SYT2: variants seen among roughly 807,000 people sequenced by gnomAD.
SYT2 encodes synaptotagmin-2.
Under a neutral mutation model 39.9 loss-of-function variants are expected in SYT2, and 15 were observed. The observed-to-expected ratio is 0.38, with a 90% confidence interval of 0.25 to 0.58. The LOEUF (loss-of-function observed/expected upper bound fraction) is 0.58. SYT2 is among the 20% of genes least tolerant of loss of function. The pLI is 0.70. For missense variants in SYT2, 389 were observed against 530.3 expected, an observed-to-expected ratio of 0.73 and a Z score of 2.62; for synonymous variants, 181 against 204.5, an observed-to-expected ratio of 0.89 and a Z score of 0.98.
intron 1 of SYT2, among the ~76,000 whole-genome samples, chr1:202,610,572 C>T (rs558522970): frequency 1.3e-5 from 2 of 152,260 alleles, no homozygotes; most frequent in African/African-American, 4.8e-5. Flanking sequence ...ATCTAGAAAA[C>T]CCCATCGTCT....
rs1234851176 is a variant in SYT2 at position 202,599,721 on chromosome 1, C to A, written c.920-370G>T. ...ATAATCCCAATCCGATCCCCCTAAT[C>A]TTGCAGACAAGAAACTGAGGCCAAA... On this transcript the variant is annotated intron_variant, in intron 7 of 8. Transcript: ENST00000367268. This position sits in a 1 kb window ranked among gnomAD's most constrained non-coding sequence, Gnocchi z 4.4. 6.6e-6 allele frequency among the ~76,000 whole-genome samples: 1 copy of A among 152,180 alleles called. No homozygotes were observed. The highest frequency in any genetic ancestry group is 1.5e-5 in the Non-Finnish European group (1 of 68,030).
At position 202,601,131 on chromosome 1, in the gene SYT2, T is replaced by C. The variant is rs1338103409; in HGVS notation, c.802-657A>G. ...TCAAAGTCACACAACAATTTAGCAC[T>C]GTAGGCAGGCTGAGGACCCAGGGCT... is the stretch of plus-strand genomic sequence containing the variant. On this transcript the variant is annotated intron_variant, in intron 6 of 8. Transcript: ENST00000367268. The surrounding 1 kb of genome is among the most constrained non-coding windows in gnomAD (Gnocchi z 4.0). Among the ~76,000 whole-genome samples, 1 of 152,192 alleles carries C rather than the reference T, an allele frequency of 6.6e-6. No individual in the cohort carries two copies. The highest frequency in any genetic ancestry group is 1.9e-4 in the East Asian group (1 of 5,188).
intron 1 of SYT2, among the ~76,000 whole-genome samples, chr1:202,650,433 T>G (rs1484986019): frequency 7.4e-6 from 1 of 135,828 alleles, no homozygotes; most frequent in South Asian, 2.6e-4. Context: ...TTGTTTCATA[T>G]GCTTTTGTTT....
At chr1:202,684,500 C>T (rs1386837894) in intron 1 of SYT2, among the ~76,000 whole-genome samples, 1 of 152,114 alleles carries the variant, frequency 6.6e-6, no homozygotes, top group African/African-American at 2.4e-5. Context: ...AATAACATTC[C>T]ATCGTGTATA....
intron 1 of SYT2, among the ~76,000 whole-genome samples, chr1:202,607,922 A>G (rs1348401638): frequency 6.6e-6 from 1 of 152,124 alleles, no homozygotes; most frequent in Non-Finnish European, 1.5e-5. Context: ...TGTAATTCAC[A>G]TATGTCACCC....
chr1:202,604,116 C>T (rs1287615146), intron 3 of SYT2, among the ~76,000 whole-genome samples: 1 of 152,182 alleles, frequency 6.6e-6, no homozygotes, highest in Non-Finnish European at 1.5e-5. Flanking sequence ...CCTTCAGTCT[C>T]TCTGGCTGGA....
Position 202,599,854 on chromosome 1 carries a change from G to A in SYT2, c.919+503C>T, listed in dbSNP as rs1340823698. On this transcript the variant is annotated intron_variant, in intron 7 of 8. Transcript: ENST00000367268. The surrounding 1 kb of genome is among the most constrained non-coding windows in gnomAD (Gnocchi z 4.4). The stretch of plus-strand genomic sequence containing the variant: ...TGCCCAGGGCTGATTCTCTGGGAAG[G>A]CAGCTGAGGCAGCAGGCTTCATCCA... 6.6e-6 allele frequency among the ~76,000 whole-genome samples: 1 copy of A among 152,202 alleles called. No homozygotes were observed. The highest frequency in any genetic ancestry group is 2.4e-5 in the African/African-American group (1 of 41,440).
At chr1:202,630,286 C>A (rs1244964416) in intron 1 of SYT2, 5 of 742,344 alleles carry the variant, frequency 6.7e-6, no homozygotes, top group Non-Finnish European at 6.6e-6. Flanking sequence ...TGACCCCTGG[C>A]TCCCACACAC....
In SYT2 at chr1:202,635,315, C is replaced by G. The variant is rs569675955; in HGVS notation, c.-17-29526G>C. On this transcript the variant is annotated intron_variant, in intron 1 of 8. Coordinates refer to ENST00000367268, the MANE Select transcript of SYT2 (RefSeq NM_177402.5). ...GCCTCCATTCCCTGTCCCAATGAGG[C>G]CACTCAGGAAGTTCTCCCCGCTCTC... Among the ~76,000 whole-genome samples the G allele has an allele frequency of 7.9e-5, 12 of 152,288 alleles. No homozygotes were observed. The South Asian group carries it at 2.5e-3, about 32-fold the overall frequency.
Position 202,603,125 on chromosome 1 carries a change from G to A in SYT2, c.346-7C>T, listed in dbSNP as rs763773587. ...TCTCTGCGTCGTCGTCATCCTGTGG[G>A]AGCTGGGGGAGAGAGGGAACAAGTT... On this transcript the variant is annotated splice_polypyrimidine_tract_variant and splice_region_variant and intron_variant, in intron 3 of 8. Coordinates refer to ENST00000367268, the MANE Select transcript of SYT2 (RefSeq NM_177402.5). The A allele has an allele frequency of 5.0e-6, 8 of 1,613,936 alleles. No individual in the cohort carries two copies. Among genetic ancestry groups the A allele is most frequent in the Non-Finnish European group, 5.9e-6 (7 of 1,179,970 alleles).
chr1:202,596,268 GACACACAC>G lies in SYT2; in HGVS notation c.*481_*488del, dbSNP rs58376514. ...CCAGGAATGAAGAGAAATGCTCAAA[GACACACAC>G]ACACACACACACACACACACACACA... On this transcript the variant is annotated 3_prime_UTR_variant, in exon 9 of 9. Transcript: ENST00000367268. The G allele has an allele frequency of 0.062, 7,425 of 119,514 alleles. 679 individuals are homozygous for G. The highest frequency in any genetic ancestry group is 0.2 in the African/African-American group (6,658 of 32,794). The allele number at this position is 119,514 out of a possible 1,614,324, so 7.4% of individuals were successfully genotyped here. A position where few individuals can be genotyped will look rare whatever the true frequency, so the allele number is the denominator to read the frequency against.
rs992720907 is a variant in SYT2 at position 202,593,341 on chromosome 1, C to CA, written c.*3415dup. On this transcript the variant is annotated 3_prime_UTR_variant, in exon 9 of 9. Coordinates refer to ENST00000367268, the MANE Select transcript of SYT2 (RefSeq NM_177402.5). Reference sequence around the variant, plus strand: ...CTTTGCTGTCACCCACCCTTACCCCCACCCCACTGCATGGAGGCAGGTTTA... The same window carrying CA: ...CTTTGCTGTCACCCACCCTTACCCCCAACCCCACTGCATGGAGGCAGGTTTA... 4 of 152,342 alleles carry CA rather than the reference C, an allele frequency of 2.6e-5. No homozygotes were observed. The East Asian group carries it at 5.8e-4, about 22-fold the overall frequency. 9.4% of individuals were successfully genotyped at this position (152,342 alleles called of 1,614,324 possible).
At chr1:202,606,248 T>A (rs778394923) in intron 1 of SYT2, among the ~76,000 whole-genome samples, 4 of 152,202 alleles carry the variant, frequency 2.6e-5, no homozygotes, top group Non-Finnish European at 1.5e-5. Flanking sequence ...TTAGATAGTT[T>A]TTCCAAGGTC....
At chr1:202,632,148 T>G in intron 1 of SYT2, 1 of 892,224 alleles carries the variant, frequency 1.1e-6, no homozygotes, top group Non-Finnish European at 1.3e-6. Context: ...TCTGCAGTGT[T>G]GCCACCACTA....
In SYT2 at chr1:202,614,732, C is replaced by G. The variant is rs1211228386; in HGVS notation, c.-17-8943G>C. On this transcript the variant is annotated intron_variant, in intron 1 of 8. Transcript: ENST00000367268. This position sits in a 1 kb window ranked among gnomAD's most constrained non-coding sequence, Gnocchi z 4.0. ...GGTAAAGAGGAGATGAAAGGGCAGC[C>G]TAGGCAGAGAGCACAGCCTATGCAA... 1.3e-5 allele frequency among the ~76,000 whole-genome samples: 2 copies of G among 152,148 alleles called. No homozygotes were observed.
At chr1:202,674,547 G>A (rs911633611) in intron 1 of SYT2, among the ~76,000 whole-genome samples, 9 of 152,272 alleles carry the variant, frequency 5.9e-5, no homozygotes, top group African/African-American at 1.7e-4. Context: ...TTTGATAAAT[G>A]GCTGCAAGTA....
At chr1:202,605,384 G>A (rs1486657908) in intron 2 of SYT2, 1 of 434,178 alleles carries the variant, frequency 2.3e-6, no homozygotes, top group East Asian at 3.3e-5. Flanking sequence ...CCCCTGAGAA[G>A]TTGACGCACA....
intron 1 of SYT2, chr1:202,639,476 G>A (rs1691840013): frequency 2.0e-6 from 2 of 982,342 alleles, no homozygotes; most frequent in African/African-American, 3.5e-5. Flanking sequence ...CAGAGGGCTG[G>A]ATGAGATGAT....
At chr1:202,633,942 G>A (rs1691668333) in intron 1 of SYT2, among the ~76,000 whole-genome samples, 1 of 152,194 alleles carries the variant, frequency 6.6e-6, no homozygotes, top group South Asian at 2.1e-4. Context: ...ACTACAGTCA[G>A]GCTGGGAGCA....
Sources: gnomAD v4.1 joint callset for allele counts (sites outside exome capture counted in the v4.1 genomes callset) on GRCh38, gnomAD v4.1.1 for gene constraint, Gnocchi (gnomAD v3.1) non-coding constraint, MANE v1.5 for transcripts, NCBI Gene and HGNC (gene_info 2026-07-23, HGNC 2026-07-21) for gene names.